The following DISC1 variants were observed in gnomAD, a reference collection of about 807,000 sequenced individuals.
The protein encoded by DISC1 is DISC1 scaffold protein.
In DISC1, 57 loss-of-function variants were observed where a neutral mutation model predicts 84.5. That is an observed-to-expected ratio of 0.67 (90% CI 0.55 to 0.84). DISC1 has a LOEUF of 0.84. Ranked by LOEUF, DISC1 falls within the 40% of genes least tolerant of loss-of-function variation. The pLI is 0.00. For synonymous variants in DISC1, 411 were observed against 415.2 expected, an observed-to-expected ratio of 0.99 and a Z score of 0.12; for missense variants, 1,000 against 1,057.8, an observed-to-expected ratio of 0.95 and a Z score of 0.76.
chr1:231,901,680 C>A (rs1452523127), intron 9 of DISC1, among the ~76,000 whole-genome samples: 2 of 152,190 alleles, frequency 1.3e-5, no homozygotes, highest in African/African-American at 4.8e-5. Context: ...CCATCATCTT[C>A]TGATCCCATT....
chr1:232,017,480 C>CT (rs56672398), intron 11 of DISC1, among the ~76,000 whole-genome samples: 521 of 132,806 alleles, frequency 3.9e-3, no homozygotes, highest in Admixed American at 5.7e-3. Flanking sequence ...AACACCTGTC[C>CT]TTTTTTTTTT....
At chr1:231,979,142 C>T (rs891700429) in intron 10 of DISC1, among the ~76,000 whole-genome samples, 1 of 151,778 alleles carries the variant, frequency 6.6e-6, no homozygotes, top group Non-Finnish European at 1.5e-5. Flanking sequence ...GCCTGACGAT[C>T]TGTCACTGTC....
At chr1:231,871,902 A>G (rs2085491810) in intron 9 of DISC1, among the ~76,000 whole-genome samples, 2 of 152,220 alleles carry the variant, frequency 1.3e-5, no homozygotes, top group African/African-American at 4.8e-5. Flanking sequence ...CTCACCTGTC[A>G]TAATTCAAAG....
At chr1:231,978,533 T>C (rs1214071325) in intron 10 of DISC1, among the ~76,000 whole-genome samples, 1 of 152,182 alleles carries the variant, frequency 6.6e-6, no homozygotes. Context: ...TAGTAACTGG[T>C]TTTCTAGCAT....
At chr1:232,017,161 T>C (rs1668558270) in intron 11 of DISC1, among the ~76,000 whole-genome samples, 1 of 152,192 alleles carries the variant, frequency 6.6e-6, no homozygotes, top group Non-Finnish European at 1.5e-5. Flanking sequence ...CAAGCATGTA[T>C]TTTGGAAAAC....
chr1:231,853,987 AGT>A (rs2125907344), intron 9 of DISC1, among the ~76,000 whole-genome samples: 1 of 152,298 alleles, frequency 6.6e-6, no homozygotes, highest in Admixed American at 6.5e-5. Context: ...GATTGAGATG[AGT>A]GTAGCAATCT....
intron 1 of DISC1, among the ~76,000 whole-genome samples, chr1:231,681,583 T>G (rs956018947): frequency 6.6e-6 from 1 of 152,126 alleles, no homozygotes; most frequent in Non-Finnish European, 1.5e-5. Flanking sequence ...TGAAAATAAC[T>G]CTAGTTATTG....
chr1:231,679,428 A>T (rs923127374), intron 1 of DISC1, among the ~76,000 whole-genome samples: 6 of 152,270 alleles, frequency 3.9e-5, no homozygotes, highest in African/African-American at 1.4e-4. Flanking sequence ...TGATTGGTAG[A>T]GACAGTAGCA....
At chr1:231,629,230 T>C (rs1008892937) in intron 1 of DISC1, among the ~76,000 whole-genome samples, 10 of 152,244 alleles carry the variant, frequency 6.6e-5, no homozygotes, top group Admixed American at 6.5e-4. Context: ...CAAGATCTCA[T>C]CACAAATCTC....
chr1:231,885,897 A>G (rs576676910), intron 9 of DISC1, among the ~76,000 whole-genome samples: 2 of 152,350 alleles, frequency 1.3e-5, no homozygotes, highest in South Asian at 4.1e-4. Flanking sequence ...TTCTGTGGCC[A>G]TAACAGAACA....
chr1:231,885,916 T>C (rs1303764455), intron 9 of DISC1, among the ~76,000 whole-genome samples: 1 of 152,104 alleles, frequency 6.6e-6, no homozygotes, highest in Non-Finnish European at 1.5e-5. Flanking sequence ...CACCATAGAT[T>C]TGGTAATTTA....
intron 4 of DISC1, 193 bp downstream of exon 4, chr1:231,750,269 G>A: frequency 7.2e-7 from 1 of 1,382,160 alleles, no homozygotes. Context: ...TGCATCTCTA[G>A]AAAGAAGACT....
chr1:231,793,263 A>G (rs1444248741), intron 6 of DISC1, among the ~76,000 whole-genome samples: 1 of 152,178 alleles, frequency 6.6e-6, no homozygotes, highest in African/African-American at 2.4e-5. Context: ...CACATACCCC[A>G]GAAACCTTGA....
chr1:231,632,357 A>G (rs1425114585), intron 1 of DISC1, among the ~76,000 whole-genome samples: 1 of 152,218 alleles, frequency 6.6e-6, no homozygotes, highest in Non-Finnish European at 1.5e-5. Context: ...CTTGCTCATC[A>G]TAAAAAAATG....
chr1:231,864,654 C>T (rs1470635469), intron 9 of DISC1, among the ~76,000 whole-genome samples: 4 of 151,952 alleles, frequency 2.6e-5, no homozygotes, highest in African/African-American at 4.8e-5. Context: ...CAGGGAGACT[C>T]GTCTCAAAAA....
At chr1:231,935,896 G>A (rs147341549) in intron 9 of DISC1, among the ~76,000 whole-genome samples, 42 of 152,276 alleles carry the variant, frequency 2.8e-4, no homozygotes, top group African/African-American at 8.9e-4. Flanking sequence ...AGTTACATGC[G>A]CATGTGGTAT....
intron 9 of DISC1, among the ~76,000 whole-genome samples, chr1:231,907,117 T>TCCCTCCCTC (rs1558717413): frequency 9.2e-4 from 13 of 14,206 alleles, no homozygotes; most frequent in African/African-American, 3.0e-3. Flanking sequence ...TCTCCTTCCT[T>TCCCTCCCTC]CCTTCCTTCC....
chr1:231,627,446 C>A (rs2058357358), intron 1 of DISC1, among the ~76,000 whole-genome samples: 1 of 152,226 alleles, frequency 6.6e-6, no homozygotes, highest in Admixed American at 6.5e-5. Context: ...GGAGCGGGAC[C>A]AGGAACTGGT....
At chr1:231,658,695 C>T (rs2125347763) in intron 1 of DISC1, among the ~76,000 whole-genome samples, 1 of 152,054 alleles carries the variant, frequency 6.6e-6, no homozygotes, top group South Asian at 2.1e-4. Context: ...GAAGGGATGC[C>T]AGATTTTATC....
Sources: allele counts gnomAD v4.1 joint callset (sites outside exome capture counted in the v4.1 genomes callset), GRCh38; gene constraint gnomAD v4.1.1; transcripts MANE v1.5; gene names NCBI Gene and HGNC (gene_info 2026-07-23, HGNC 2026-07-21).